Variants in MTTP observed in about 807,000 individuals in gnomAD.
The protein encoded by MTTP is microsomal triglyceride transfer protein large subunit.
In MTTP, 49 loss-of-function variants were observed where a neutral mutation model predicts 90.6. The ratio of observed to expected loss-of-function variants is 0.54; its 90% CI spans 0.43 to 0.69. The LOEUF (loss-of-function observed/expected upper bound fraction) is 0.69, where lower values mean the gene tolerates loss of function less well. MTTP is among the 30% of genes least tolerant of loss of function. The pLI, the probability that MTTP is intolerant of heterozygous loss-of-function variation, is 0.00. For synonymous variants in MTTP, 347 were observed against 384.2 expected (o/e 0.90, Z 1.13); for missense variants, 945 against 1,067.5 (o/e 0.89, Z 1.60).
chr4:99,621,008 A>G, intron 16 of MTTP, 53 bp from the exon 17 acceptor site: 2 of 1,541,738 alleles, frequency 1.3e-6, no homozygotes, highest in Non-Finnish European at 1.8e-6. Context: ...TGTTAGTCCA[A>G]TACCATTAAA....
At chr4:99,615,985 GCTCT>G (rs906152649) in intron 15 of MTTP, among the ~76,000 whole-genome samples, 2 of 152,100 alleles carry the variant, frequency 1.3e-5, no homozygotes, top group East Asian at 1.9e-4. Context: ...ATAAACCTAT[GCTCT>G]CTCTCTCTTT....
At chr4:99,576,060 C>G (rs1724950078) in intron 1 of MTTP, among the ~76,000 whole-genome samples, 1 of 152,148 alleles carries the variant, frequency 6.6e-6, no homozygotes, top group Non-Finnish European at 1.5e-5. Flanking sequence ...CTCAGCAAAT[C>G]ACACTGTAGG....
In MTTP at chr4:99,597,202, A is replaced by C. The variant is rs766183665; in HGVS notation, c.1045A>C (p.Lys349Gln). Residue 349 changes from lysine to glutamine, a missense_variant, in exon 8 of 18, where the codon AAG (lysine) becomes CAG (glutamine). Lys to Gln is a moderately conservative substitution (Grantham distance 53). Coordinates refer to ENST00000265517, the MANE Select transcript of MTTP (RefSeq NM_001386140.1). Reference sequence around the variant, plus strand: ...GAAAGAAGAGATCCTTCAAATACTAAAGATGGAAAATAAGGAAGTATTGTA... The same window carrying C: ...GAAAGAAGAGATCCTTCAAATACTACAGATGGAAAATAAGGAAGTATTGTA... ...AKKEEILQIL[K>Q]MENKEVLPQL... 2 of 1,613,746 alleles carry C rather than the reference A, an allele frequency of 1.2e-6. No individual in the cohort carries two copies. The highest frequency in any genetic ancestry group is 1.1e-5 in the South Asian group (1 of 91,084).
intron 10 of MTTP, among the ~76,000 whole-genome samples, chr4:99,605,423 C>A (rs1405738880): frequency 6.6e-6 from 1 of 152,108 alleles, no homozygotes; most frequent in Non-Finnish European, 1.5e-5. Flanking sequence ...TTCCTTTTGA[C>A]AACTGCCTAG....
chr4:99,597,959 A>G (rs1725598597), intron 8 of MTTP, among the ~76,000 whole-genome samples: 1 of 152,216 alleles, frequency 6.6e-6, no homozygotes, highest in African/African-American at 2.4e-5. Context: ...ACAAACAGTG[A>G]AAAACAGTCA....
intron 1 of MTTP, among the ~76,000 whole-genome samples, chr4:99,580,626 C>G (rs71612700): frequency 2.8e-5 from 4 of 143,172 alleles, no homozygotes; most frequent in African/African-American, 7.9e-5. Flanking sequence ...GATGAATTAC[C>G]TGGGTGACCT....
chr4:99,621,149 T>C lies in MTTP; in HGVS notation c.2431T>C (p.Leu811=), dbSNP rs957776628. 6.2e-7 allele frequency: 1 copy of C among 1,613,992 alleles called. No individual in the cohort carries two copies. Among genetic ancestry groups the C allele is most frequent in the Non-Finnish European group, 8.5e-7 (1 of 1,179,964 alleles). The change falls in exon 17 of 18, where the codon TTG becomes CTG. Residue 811 remains leucine (L), a synonymous_variant. Coordinates refer to ENST00000265517, the MANE Select transcript of MTTP (RefSeq NM_001386140.1). ...LETSTETEAG[L]EFISTVQFSQ... is the part of the protein sequence containing the mutation. Reference sequence around the variant, plus strand: ...AACCAGTACAGAAACAGAAGCAGGCTTGGAGTTTATCTCCACAGTGCAGTT... The same window carrying C: ...AACCAGTACAGAAACAGAAGCAGGCCTGGAGTTTATCTCCACAGTGCAGTT...
At chr4:99,592,076 C>T (rs1725438377) in intron 6 of MTTP, among the ~76,000 whole-genome samples, 2 of 152,154 alleles carry the variant, frequency 1.3e-5, no homozygotes, top group Non-Finnish European at 2.9e-5. Flanking sequence ...TGCTGTACTG[C>T]ATACTGTAGA....
At chr4:99,614,429 AT>A (rs1347179398) in intron 15 of MTTP, among the ~76,000 whole-genome samples, 1 of 152,220 alleles carries the variant, frequency 6.6e-6, no homozygotes, top group East Asian at 1.9e-4. Context: ...AACAGTGTTA[AT>A]TTTCTATCTT....
rs770372153 is a variant in MTTP, at chr4:99,606,847, C to A, written c.1444C>A (p.Leu482Ile). 1.9e-6 allele frequency: 3 copies of A among 1,614,128 alleles called. No homozygotes were observed. Among genetic ancestry groups the A allele is most frequent in the Non-Finnish European group, 2.5e-6 (3 of 1,179,986 alleles). ...TCTGCTGGCTTTGAAGAATGCCCTG[C>A]TTCCAGAAGGCATCCCAAGTCTTCT... ...MYLLALKNALLPEGIPSLLKY... is the reference protein window; with the variant it reads ...MYLLALKNALIPEGIPSLLKY... The change falls in exon 11 of 18, where the codon CTT (leucine) becomes ATT (isoleucine). Residue 482 changes from leucine to isoleucine, a missense_variant. Physicochemically the swap from Leu to Ile is conservative, Grantham distance 5. Coordinates refer to ENST00000265517, the MANE Select transcript of MTTP (RefSeq NM_001386140.1).
chr4:99,587,267 C>T (rs1725279294), intron 3 of MTTP, among the ~76,000 whole-genome samples: 1 of 152,040 alleles, frequency 6.6e-6, no homozygotes, highest in South Asian at 2.1e-4. Flanking sequence ...ACTAAAGAAA[C>T]AGAATTTAGG....
chr4:99,617,541 A>G (rs975946916), intron 15 of MTTP, among the ~76,000 whole-genome samples: 1 of 152,174 alleles, frequency 6.6e-6, no homozygotes, highest in Non-Finnish European at 1.5e-5. Flanking sequence ...AGTTACATAA[A>G]GAAGTTAGTC....
intron 15 of MTTP, among the ~76,000 whole-genome samples, chr4:99,615,211 T>C (rs1219634539): frequency 6.6e-6 from 1 of 152,210 alleles, no homozygotes; most frequent in African/African-American, 2.4e-5. Context: ...TTTTACGCTT[T>C]GCAGGCCACA....
At chr4:99,612,396 A>C (rs1725980981) in intron 14 of MTTP, among the ~76,000 whole-genome samples, 1 of 150,348 alleles carries the variant, frequency 6.7e-6, no homozygotes, top group African/African-American at 2.5e-5. Context: ...TAGGGAGAAA[A>C]GTTTGACATG....
In MTTP at chr4:99,583,281, C is replaced by G. The variant is rs1440041240; in HGVS notation, c.250-93C>G. ...ATGACAGAAGAAATTGTGGCCAACT[C>G]TTTCTGTTTCTTTATCATTTTATTT... is the stretch of plus-strand genomic sequence containing the variant. On this transcript the variant is annotated intron_variant, in intron 2 of 17. Transcript: ENST00000265517. 5.6e-6 allele frequency: 8 copies of G among 1,417,808 alleles called. No homozygotes were observed. The South Asian group carries it at 7.5e-5, about 13-fold the overall frequency. The allele number at this position is 1,417,808 out of a possible 1,614,324, so 87.8% of individuals were successfully genotyped here.
At chr4:99,566,819 A>T (rs1724713556) in intron 1 of MTTP, among the ~76,000 whole-genome samples, 1 of 152,238 alleles carries the variant, frequency 6.6e-6, no homozygotes, top group Non-Finnish European at 1.5e-5. Context: ...ACTTTAGGAC[A>T]TAAAAATACA....
chr4:99,590,916 A>C (rs1311956435), intron 4 of MTTP, among the ~76,000 whole-genome samples: 1 of 152,086 alleles, frequency 6.6e-6, no homozygotes, highest in African/African-American at 2.4e-5. Flanking sequence ...CCCTTGCCAC[A>C]GAATTACCCA....
intron 3 of MTTP, among the ~76,000 whole-genome samples, chr4:99,585,134 C>G (rs1725226781): frequency 6.6e-6 from 1 of 152,112 alleles, no homozygotes; most frequent in Non-Finnish European, 1.5e-5. Context: ...TGGGGCTCAA[C>G]TGAGTTGAAC....
upstream of MTTP, chr4:99,570,658 T>A: frequency 2.2e-6 from 1 of 455,048 alleles, no homozygotes; most frequent in Middle Eastern, 3.3e-4. Flanking sequence ...AAGTTACCAA[T>A]CCACAGACCT....
Sources: gnomAD v4.1 joint callset for allele counts (sites outside exome capture counted in the v4.1 genomes callset) on GRCh38, gnomAD v4.1.1 for gene constraint, MANE v1.5 for transcripts, NCBI Gene and HGNC (gene_info 2026-07-23, HGNC 2026-07-21) for gene names.